The following NUP35 variants were observed in gnomAD, a reference collection of about 807,000 sequenced individuals.
NUP35 encodes the protein nucleoporin 35, also known as nucleoporin NUP35.
A neutral mutation model predicts 41.5 loss-of-function variants in NUP35; 25 were observed. The observed-to-expected ratio is 0.60, with a 90% CI of 0.44 to 0.84. The LOEUF is 0.84. Ranked by LOEUF, NUP35 falls within the 40% of genes least tolerant of loss-of-function variation. The pLI, the probability that NUP35 is intolerant of heterozygous loss-of-function variation, is 0.00. For synonymous variants in NUP35, 149 were observed against 130.7 expected (o/e 1.14, Z -0.96); for missense variants, 396 against 396.6 (o/e 1.00, Z 0.01).
intron 4 of NUP35, among the ~76,000 whole-genome samples, chr2:183,144,482 A>G (rs1271113656): frequency 1.3e-5 from 2 of 152,200 alleles, no homozygotes; most frequent in African/African-American, 4.8e-5. Flanking sequence ...GCTCGTATCT[A>G]TTTAAAATTT....
intron 5 of NUP35, 63 bp from the exon 6 acceptor site, chr2:183,157,381 A>G (rs1234654352): frequency 5.3e-6 from 6 of 1,125,640 alleles, no homozygotes; most frequent in Non-Finnish European, 6.8e-6. Flanking sequence ...ATTATCTTGT[A>G]GTAATTTGCA....
chr2:183,128,122 AT>A (rs1433251382), intron 1 of NUP35, among the ~76,000 whole-genome samples, 164 bp from the exon 2 acceptor site: 2 of 152,194 alleles, frequency 1.3e-5, no homozygotes, highest in Admixed American at 1.3e-4. Flanking sequence ...TTCTAGAAAT[AT>A]TTTTTGTTGG....
intron 4 of NUP35, among the ~76,000 whole-genome samples, chr2:183,136,526 C>A (rs1260882171): frequency 6.6e-6 from 1 of 152,234 alleles, no homozygotes; most frequent in Admixed American, 6.5e-5. Flanking sequence ...CTCCTTGGCT[C>A]ATGGCTCTCC....
At chr2:183,124,566 T>G (rs912931509) in intron 1 of NUP35, 69 bp downstream of exon 1, 5 of 1,587,364 alleles carry the variant, frequency 3.1e-6, no homozygotes, top group African/African-American at 1.3e-5. Flanking sequence ...CGGGCAAGAC[T>G]GAAAGGCAGT....
At chr2:183,147,936 G>A (rs1310542271) in intron 4 of NUP35, among the ~76,000 whole-genome samples, 2 of 150,752 alleles carry the variant, frequency 1.3e-5, no homozygotes, top group African/African-American at 4.9e-5. Flanking sequence ...TTTGATATGT[G>A]GCTATTGTAA....
chr2:183,151,428 C>A, intron 4 of NUP35, 80 bp from the exon 5 acceptor site: 1 of 1,363,852 alleles, frequency 7.3e-7, no homozygotes, highest in Non-Finnish European at 1.0e-6. Context: ...TAGACTTTAT[C>A]ATTTAAAACT....
upstream of NUP35, chr2:183,120,108 G>C (rs1202334593): frequency 6.6e-6 from 1 of 152,246 alleles, no homozygotes; most frequent in Non-Finnish European, 1.5e-5. Flanking sequence ...TAGAAAATAG[G>C]AACTCAGTGA....
chr2:183,132,410 A>AT (rs1553529413), intron 3 of NUP35, among the ~76,000 whole-genome samples: 4,307 of 151,234 alleles, frequency 0.028, 86 homozygotes, highest in Non-Finnish European at 0.043. Context: ...AAAAAAAAAA[A>AT]GGCTAGATGT....
intron 4 of NUP35, among the ~76,000 whole-genome samples, chr2:183,134,553 G>A (rs2176231): frequency 0.19 from 28,700 of 151,686 alleles, 3,594 homozygotes; most frequent in African/African-American, 0.34. Flanking sequence ...ATGGGTCTTG[G>A]TGGGCTAAAA....
At position 183,130,359 on chromosome 2, in the gene NUP35, T is replaced by A. The variant is rs557461144; in HGVS notation, c.212-59T>A. 4.6e-4 allele frequency: 689 copies of A among 1,490,372 alleles called. 3 individuals carry two copies. In the African/African-American group the frequency reaches 9.1e-3, roughly 20 times the overall value. The allele number at this position is 1,490,372 out of a possible 1,614,324, so 92.3% of individuals were successfully genotyped here. On this transcript the variant is annotated intron_variant, in intron 2 of 8. Coordinates refer to ENST00000295119, the MANE Select transcript of NUP35 (RefSeq NM_138285.5). ...AGTCAGTATTTCAAAAATATAAATT[T>A]AAAAAATCTTACCAAAAAGAAGAAT...
intron 7 of NUP35, 129 bp downstream of exon 7, chr2:183,158,540 T>C: frequency 1.3e-6 from 1 of 784,540 alleles, no homozygotes; most frequent in Admixed American, 2.9e-5. Flanking sequence ...AATGTGATGA[T>C]GTTTATAGTA....
chr2:183,149,993 G>A (rs552104757), intron 4 of NUP35, among the ~76,000 whole-genome samples: 2 of 151,890 alleles, frequency 1.3e-5, no homozygotes, highest in South Asian at 2.1e-4. Flanking sequence ...TGCAACCTCC[G>A]CCTCCCGGGT....
chr2:183,153,257 G>T (rs1449997035), intron 5 of NUP35, among the ~76,000 whole-genome samples: 7 of 152,024 alleles, frequency 4.6e-5, no homozygotes, highest in Non-Finnish European at 1.0e-4. Flanking sequence ...TTCATCCTTG[G>T]CCCCTCTAAA....
intron 4 of NUP35, 28 bp downstream of exon 4, chr2:183,133,651 TTTTTA>T: frequency 6.5e-7 from 1 of 1,543,866 alleles, no homozygotes. Context: ...TTTTTTTTTT[TTTTTA>T]AAAGACAGGG....
chr2:183,128,783 A>T (rs992253166), intron 2 of NUP35, among the ~76,000 whole-genome samples: 6 of 152,078 alleles, frequency 3.9e-5, no homozygotes, highest in South Asian at 4.2e-4. Flanking sequence ...TACATTAATT[A>T]AAAAAAATTA....
At chr2:183,138,263 ATATATATTTTT>A (rs1304485411) in intron 4 of NUP35, among the ~76,000 whole-genome samples, 8 of 67,120 alleles carry the variant, frequency 1.2e-4, no homozygotes, top group South Asian at 4.6e-4. Flanking sequence ...ATATATATAT[ATATATATTTTT>A]TTTTTTTTTT....
intron 3 of NUP35, among the ~76,000 whole-genome samples, chr2:183,132,791 C>CCTGGAATTTGCTCAGTTGCTTT (rs1684743750): frequency 6.6e-6 from 1 of 152,030 alleles, no homozygotes; most frequent in Non-Finnish European, 1.5e-5. Context: ...AGTTATGCCC[C>CCTGGAATTTGCTCAGTTGCTTT]CTGGAATTTG....
upstream of NUP35, among the ~76,000 whole-genome samples, chr2:183,121,649 T>C (rs1444937465): frequency 3.3e-5 from 5 of 151,782 alleles, no homozygotes; most frequent in East Asian, 9.7e-4. Context: ...CTGGCCAACA[T>C]GGTAAAACCC....
intron 4 of NUP35, among the ~76,000 whole-genome samples, chr2:183,145,925 A>C (rs374796736): frequency 6.6e-6 from 1 of 152,200 alleles, no homozygotes; most frequent in South Asian, 2.1e-4. Flanking sequence ...GAAAAGAAAA[A>C]ATATAATCAC....
Sources: gnomAD v4.1 joint callset for allele counts (sites outside exome capture counted in the v4.1 genomes callset) on GRCh38, gnomAD v4.1.1 for gene constraint, MANE v1.5 for transcripts, NCBI Gene and HGNC (gene_info 2026-07-23, HGNC 2026-07-21) for gene names.